Variants in IFI16 observed in about 807,000 individuals in gnomAD.
The protein encoded by IFI16 is interferon gamma inducible protein 16.
In IFI16, 49 loss-of-function variants were observed where a neutral mutation model predicts 68.4. That is an observed-to-expected ratio of 0.72 (90% CI 0.57 to 0.91). IFI16 has a LOEUF of 0.91. Ranked by LOEUF, IFI16 falls within the 40% of genes least tolerant of loss-of-function variation. The probability of loss-of-function intolerance (pLI) is 0.00; values close to 1 mark genes in which losing one functional copy is unlikely to be tolerated. For synonymous variants in IFI16, 307 were observed against 315.0 expected (o/e 0.97, Z 0.27); for missense variants, 878 against 942.9 (o/e 0.93, Z 0.90).
chr1:159,003,735 G>A (rs866330752), upstream of IFI16, among the ~76,000 whole-genome samples: 80 of 152,160 alleles, frequency 5.3e-4, no homozygotes, highest in Non-Finnish European at 2.6e-4. Context: ...AGCTCGGCTC[G>A]CTGCAAGCTC....
At chr1:159,050,108 T>C (rs754031231) in intron 9 of IFI16, among the ~76,000 whole-genome samples, 7 of 152,250 alleles carry the variant, frequency 4.6e-5, no homozygotes, top group Non-Finnish European at 8.8e-5. Flanking sequence ...AAGAGTCTTA[T>C]TTTCTCTCAG....
rs146765752 is a variant in IFI16 at position 159,049,654 on chromosome 1, T to C, written c.1665+55T>C. On this transcript the variant is annotated intron_variant, in intron 9 of 11. Coordinates refer to ENST00000295809, the MANE Select transcript of IFI16 (RefSeq NM_001376587.1). ...CCTCGCTACTATATAATGACAAGGA[T>C]TAACACAACCGTGAAAGCACCTCAC... 4,030 of 1,603,800 alleles carry C rather than the reference T, an allele frequency of 2.5e-3. 12 individuals are homozygous for C. The highest frequency in any genetic ancestry group is 3.0e-3 in the Non-Finnish European group (3,472 of 1,173,308).
At chr1:159,032,499 T>C in intron 6 of IFI16, 25 bp from the exon 7 acceptor site, 3 of 1,479,254 alleles carry the variant, frequency 2.0e-6, no homozygotes, top group Non-Finnish European at 1.8e-6. Context: ...TTGAAAACCA[T>C]TAAACAGAAA....
chr1:159,022,186 G>T (rs1653377432), intron 6 of IFI16, among the ~76,000 whole-genome samples: 1 of 151,846 alleles, frequency 6.6e-6, no homozygotes, highest in African/African-American at 2.4e-5. Context: ...GGTTGGTCTC[G>T]ATTTCCTGAC....
rs1203587460 is a variant in IFI16 at position 159,055,067 on chromosome 1, A to C, written c.*166A>C. 4.9e-6 allele frequency: 2 copies of C among 407,684 alleles called. No homozygotes were observed. Among genetic ancestry groups the C allele is most frequent in the Non-Finnish European group, 9.0e-6 (2 of 223,208 alleles). 25.3% of individuals were successfully genotyped at this position (407,684 alleles called of 1,614,324 possible). On this transcript the variant is annotated 3_prime_UTR_variant, in exon 12 of 12. Transcript: ENST00000295809. ...TGGGAGTGCTTTTTTAATTTTTCAT[A>C]GTTTTTTTTTAATAAAATGGCATAT...
Position 159,047,064 on chromosome 1 carries a change from G to T in IFI16, c.1497+1600G>T, listed in dbSNP as rs80130936. On this transcript the variant is annotated intron_variant, in intron 8 of 11. Transcript: ENST00000295809. ...TATGGGGCCTACACCCAAGACGAAT[G>T]GGCAGGGAAGGTATGGGCAGGGAAA... 1.8e-3 allele frequency among the ~76,000 whole-genome samples: 269 copies of T among 149,482 alleles called. 4 individuals are homozygous for T. The highest frequency in any genetic ancestry group is 6.2e-3 in the African/African-American group (246 of 39,842).
intron 1 of IFI16, among the ~76,000 whole-genome samples, chr1:159,013,534 A>C (rs1430179173): frequency 6.6e-6 from 1 of 152,176 alleles, no homozygotes; most frequent in Non-Finnish European, 1.5e-5. Flanking sequence ...AAAATTAAAA[A>C]ATTCATTAAT....
intron 6 of IFI16, among the ~76,000 whole-genome samples, chr1:159,026,804 AT>A (rs1653700030): frequency 6.6e-6 from 1 of 152,020 alleles, no homozygotes; most frequent in South Asian, 2.1e-4. Context: ...TGAGTTCTTG[AT>A]TTCATTCTTA....
upstream of IFI16, among the ~76,000 whole-genome samples, chr1:159,005,213 G>A (rs1227741103): frequency 6.6e-6 from 1 of 152,208 alleles, no homozygotes; most frequent in Non-Finnish European, 1.5e-5. Context: ...ATACATTTCT[G>A]TTCTGTATAA....
chr1:159,006,768 C>T (rs1652275891), upstream of IFI16, among the ~76,000 whole-genome samples: 1 of 151,362 alleles, frequency 6.6e-6, no homozygotes, highest in South Asian at 2.1e-4. Flanking sequence ...TCCAGCAGGG[C>T]GTTTTCCCGA....
chr1:159,004,282 T>G (rs1483176831), upstream of IFI16, among the ~76,000 whole-genome samples: 1 of 151,832 alleles, frequency 6.6e-6, no homozygotes, highest in Non-Finnish European at 1.5e-5. Flanking sequence ...GAGATCAGCC[T>G]GGGCAACATG....
At chr1:159,017,468 T>A (rs1157945512) in intron 4 of IFI16, among the ~76,000 whole-genome samples, 5 of 152,070 alleles carry the variant, frequency 3.3e-5, no homozygotes, top group African/African-American at 1.2e-4. Context: ...ATTTTTTTTT[T>A]ATTTTTATTT....
At chr1:159,015,737 C>T in intron 2 of IFI16, 135 bp from the exon 3 acceptor site, 1 of 653,306 alleles carries the variant, frequency 1.5e-6, no homozygotes, top group South Asian at 1.8e-5. Context: ...TGCAGTAGAG[C>T]TAGACTAAAG....
chr1:159,012,289 A>C (rs1652615437), intron 1 of IFI16, among the ~76,000 whole-genome samples: 2 of 152,214 alleles, frequency 1.3e-5, no homozygotes, highest in Admixed American at 1.3e-4. Context: ...TTAAGACAAG[A>C]TGAAAGCACC....
At chr1:159,007,636 G>A (rs927461123), upstream of IFI16, among the ~76,000 whole-genome samples, 4 of 152,272 alleles carry the variant, frequency 2.6e-5, no homozygotes, top group African/African-American at 9.6e-5. Context: ...GAGGCCTTTG[G>A]TGGGTAGTTT....
chr1:159,052,033 A>G lies in IFI16; in HGVS notation c.2020A>G (p.Lys674Glu). ...GLIRSASVTP[K>E]INQLCSQTKG... ...GATTAGAAGTGCCAGCGTAACTCCT[A>G]AAATCAATCAGCTTTGCTCACAAAC... is the stretch of plus-strand genomic sequence containing the variant. The change falls in exon 10 of 12, where the codon AAA becomes GAA. Residue 674 changes from lysine (K) to glutamate (E), a missense_variant. Lys to Glu is a moderately conservative substitution (Grantham distance 56). Transcript: ENST00000295809. 1 of 1,614,012 alleles carries G rather than the reference A, an allele frequency of 6.2e-7. No homozygotes were observed. The highest frequency in any genetic ancestry group is 8.5e-7 in the Non-Finnish European group (1 of 1,179,940).
intron 4 of IFI16, 127 bp from the exon 5 acceptor site, chr1:159,018,102 A>G (rs900229161): frequency 1.4e-6 from 1 of 723,212 alleles, no homozygotes; most frequent in Non-Finnish European, 2.3e-6. Flanking sequence ...ATCCCTCTCT[A>G]TCCTGACTCC....
Position 159,053,723 on chromosome 1 carries a change from A to T in IFI16, c.2276A>T (p.Lys759Met). Reference sequence around the variant, plus strand: ...AGATCTGTAATTCATAGTCACATCAAGGTTGGAACTTTATAGGAACATCAT... The same window carrying T: ...AGATCTGTAATTCATAGTCACATCATGGTTGGAACTTTATAGGAACATCAT... Reference protein sequence around the residue: ...ELRSVIHSHIKVIKTRKNKKD... With the variant: ...ELRSVIHSHIMVIKTRKNKKD... The change falls in exon 11 of 12, where the codon AAG becomes ATG. Residue 759 changes from lysine to methionine, a missense_variant and splice_region_variant. This residue lies in a region of IFI16 where 311 missense variants were observed against 305.1 expected (regional missense o/e 1.02). Transcript: ENST00000295809. 4 of 1,611,034 alleles carry T rather than the reference A, an allele frequency of 2.5e-6. No individual in the cohort carries two copies. The highest frequency in any genetic ancestry group is 3.4e-6 in the Non-Finnish European group (4 of 1,177,864).
intron 8 of IFI16, among the ~76,000 whole-genome samples, chr1:159,048,738 T>A (rs1655152872): frequency 6.6e-6 from 1 of 151,770 alleles, no homozygotes; most frequent in Non-Finnish European, 1.5e-5. Context: ...TTTTTTGGAC[T>A]TCCATTAGTT....
Sources: allele counts gnomAD v4.1 joint callset (sites outside exome capture counted in the v4.1 genomes callset), GRCh38; gene constraint gnomAD v4.1.1; regional missense constraint gnomAD v4.1.1; transcripts MANE v1.5; gene names NCBI Gene and HGNC (gene_info 2026-07-23, HGNC 2026-07-21).